The following SESN1 variants were observed in gnomAD, a reference collection of about 807,000 sequenced individuals.
SESN1 encodes sestrin 1, also known as sestrin-1.
SESN1 carries 30 observed loss-of-function variants against 59.3 expected under a neutral mutation model. The observed-to-expected ratio is 0.51, with a 90% CI of 0.38 to 0.69. SESN1 has a LOEUF of 0.69. Among genes scored for constraint, SESN1 ranks in the 30% least tolerant of loss-of-function variants. The pLI is 0.00. For synonymous variants in SESN1, 197 were observed against 219.9 expected (o/e 0.90, Z 0.92); for missense variants, 566 against 673.0 (o/e 0.84, Z 1.76).
chr6:109,090,712 G>GAGGTGGAAT (rs1232779082), intron 1 of SESN1: 1 of 152,214 alleles, frequency 6.6e-6, no homozygotes, highest in African/African-American at 2.4e-5. Flanking sequence ...AGGGGTGATA[G>GAGGTGGAAT]AGGTGGAATA....
intron 1 of SESN1, among the ~76,000 whole-genome samples, chr6:109,010,032 CTT>C (rs1779830173): frequency 6.6e-6 from 1 of 152,158 alleles, no homozygotes; most frequent in South Asian, 2.1e-4. Context: ...GAATGCAGGA[CTT>C]TGGCCTATAA....
chr6:109,005,931 G>A (rs1387819159), intron 1 of SESN1, among the ~76,000 whole-genome samples: 1 of 152,196 alleles, frequency 6.6e-6, no homozygotes, highest in African/African-American at 2.4e-5. Context: ...GAGGAAGAGA[G>A]GGTAAAGTGG....
rs574286501 is a variant in SESN1 at position 109,087,817 on chromosome 6, C to A, written c.279+5978G>T. On this transcript the variant is annotated intron_variant, in intron 1 of 9. Transcript: ENST00000436639. ...GAATTAAGTATGCTTCTAATCTAATCGGATCCAAATTATAAATAGACCAAG... is the reference window on the plus strand; with the variant it reads ...GAATTAAGTATGCTTCTAATCTAATAGGATCCAAATTATAAATAGACCAAG... 9.2e-5 allele frequency among the ~76,000 whole-genome samples: 14 copies of A among 152,224 alleles called. No individual in the cohort carries two copies. In the South Asian group the frequency reaches 2.9e-3, roughly 32 times the overall value.
intron 7 of SESN1, among the ~76,000 whole-genome samples, chr6:108,991,072 A>AC (rs1231294882): frequency 4.7e-4 from 69 of 147,414 alleles, no homozygotes; most frequent in African/African-American, 1.7e-3. Flanking sequence ...ATCTCAAAAA[A>AC]AAACAACAAC....
At chr6:109,032,944 C>T (rs1359645076) in intron 1 of SESN1, among the ~76,000 whole-genome samples, 2 of 152,132 alleles carry the variant, frequency 1.3e-5, no homozygotes. Context: ...CTTGTAAGAA[C>T]CCACACAGGT....
At chr6:109,028,725 C>T (rs1308974477) in intron 1 of SESN1, among the ~76,000 whole-genome samples, 1 of 152,174 alleles carries the variant, frequency 6.6e-6, no homozygotes, top group African/African-American at 2.4e-5. Context: ...GAATCTACTA[C>T]TTAAAAATAA....
intron 1 of SESN1, among the ~76,000 whole-genome samples, chr6:109,057,568 T>C (rs1041113862): frequency 6.6e-6 from 1 of 152,236 alleles, no homozygotes; most frequent in African/African-American, 2.4e-5. Flanking sequence ...GTTCCTCTTA[T>C]TCAAGGATCT....
intron 1 of SESN1, among the ~76,000 whole-genome samples, chr6:109,027,583 C>G (rs1363032760): frequency 6.8e-6 from 1 of 147,644 alleles, no homozygotes; most frequent in Non-Finnish European, 1.5e-5. Context: ...TTGTTCTTAA[C>G]AAGTGATTTT....
At chr6:109,009,256 G>A in intron 1 of SESN1, 1 of 1,089,764 alleles carries the variant, frequency 9.2e-7, no homozygotes, top group Non-Finnish European at 1.2e-6. Flanking sequence ...GACCGGGAGC[G>A]ACTGTGAGGA....
intron 1 of SESN1, among the ~76,000 whole-genome samples, chr6:109,007,789 T>TC (rs1271092694): frequency 1.7e-5 from 2 of 116,682 alleles, no homozygotes; most frequent in Non-Finnish European, 3.9e-5. Flanking sequence ...CAGGTACTTT[T>TC]TTTTTTTTTT....
chr6:109,007,566 A>G (rs943018373), intron 1 of SESN1, among the ~76,000 whole-genome samples: 3 of 152,172 alleles, frequency 2.0e-5, no homozygotes, highest in African/African-American at 7.2e-5. Flanking sequence ...CAAGGTAAAG[A>G]TATGTTATAT....
chr6:109,005,710 C>T (rs1779718365), intron 1 of SESN1, among the ~76,000 whole-genome samples: 1 of 152,170 alleles, frequency 6.6e-6, no homozygotes, highest in Admixed American at 6.5e-5. Context: ...TGTCTCCCCT[C>T]TTCCTTAGCC....
chr6:109,082,890 T>C (rs1016501750), intron 1 of SESN1, among the ~76,000 whole-genome samples: 1 of 152,226 alleles, frequency 6.6e-6, no homozygotes, highest in Non-Finnish European at 1.5e-5. Flanking sequence ...AGATGGAAGA[T>C]CTAGATCAAA....
At position 109,094,130 on chromosome 6, in the gene SESN1, T is replaced by C; in HGVS notation, c.-57A>G. 1 of 1,513,724 alleles carries C rather than the reference T, an allele frequency of 6.6e-7. No homozygotes were observed. The highest frequency in any genetic ancestry group is 8.9e-7 in the Non-Finnish European group (1 of 1,123,506). 93.8% of individuals were successfully genotyped at this position (1,513,724 alleles called of 1,614,324 possible). A position where few individuals can be genotyped will look rare whatever the true frequency, so the allele number is the denominator to read the frequency against. ...ACCTTTCAGCATGCCCCAAAAAAAT[T>C]GCTTTGTATTTTTAAAATGAAAAAT... On this transcript the variant is annotated 5_prime_UTR_variant, in exon 1 of 10. Transcript: ENST00000436639.
At chr6:108,993,153 C>T (rs1779425216) in intron 6 of SESN1, 1 of 358,512 alleles carries the variant, frequency 2.8e-6, no homozygotes. Flanking sequence ...TAGATCCTTT[C>T]TCTCTCCTCC....
chr6:109,041,718 G>A (rs532545602), intron 1 of SESN1, among the ~76,000 whole-genome samples: 5 of 151,848 alleles, frequency 3.3e-5, no homozygotes, highest in Middle Eastern at 6.3e-3. Context: ...CTGGTAGTAC[G>A]GAAAGGAGAA....
intron 9 of SESN1, among the ~76,000 whole-genome samples, chr6:108,987,998 T>C (rs1265971431): frequency 1.3e-5 from 2 of 152,138 alleles, no homozygotes. Context: ...ATCACCATGT[T>C]GGACAGTCTG....
intron 1 of SESN1, among the ~76,000 whole-genome samples, chr6:109,056,472 C>G (rs997486344): frequency 1.3e-5 from 2 of 152,192 alleles, no homozygotes; most frequent in African/African-American, 2.4e-5. Flanking sequence ...GCATCATTAA[C>G]TCTACGAACA....
intron 7 of SESN1, among the ~76,000 whole-genome samples, chr6:108,992,007 T>TA (rs1402818958): frequency 2.0e-5 from 3 of 152,188 alleles, no homozygotes; most frequent in Admixed American, 6.5e-5. Context: ...TGTCCCTCCA[T>TA]AAAAAATTTC....
Sources: gnomAD v4.1 joint callset for allele counts (sites outside exome capture counted in the v4.1 genomes callset) on GRCh38, gnomAD v4.1.1 for gene constraint, MANE v1.5 for transcripts, NCBI Gene and HGNC (gene_info 2026-07-23, HGNC 2026-07-21) for gene names.